The following RECQL5 variants were observed in gnomAD, a reference collection of about 807,000 sequenced individuals.
The protein encoded by RECQL5 is ATP-dependent DNA helicase Q5.
Under a neutral mutation model 103.4 loss-of-function variants are expected in RECQL5, and 88 were observed. The ratio of observed to expected loss-of-function variants is 0.85; its 90% CI spans 0.72 to 1.02. The LOEUF is 1.02. Among genes scored for constraint, RECQL5 ranks in the 50% least tolerant of loss-of-function variants. The pLI is 0.00. For missense variants in RECQL5, 1,232 were observed against 1,284.3 expected (o/e 0.96, Z 0.62); for synonymous variants, 552 against 507.9 (o/e 1.09, Z -1.17).
rs367690981 is a variant in RECQL5, at chr17:75,631,497, G to T, written c.1401C>A (p.Asp467Glu). 3 of 1,613,296 alleles carry T rather than the reference G, an allele frequency of 1.9e-6. No homozygotes were observed. The African/African-American group carries it at 4.0e-5, about 21-fold the overall frequency. ...TGCGGCCTCCCTCATACAGCTCGGG[G>T]TCAAAGCCGTTCCCCTGGGAGGGCC... ...CIGPSQGNGFDPELYEGGRKG... is the reference protein window; with the variant it reads ...CIGPSQGNGFEPELYEGGRKG... The change falls in exon 9 of 20, where the codon GAC becomes GAA. Residue 467 changes from aspartate to glutamate, a missense_variant. By Grantham distance (45) the Asp-to-Glu change is conservative (BLOSUM62 2). Transcript: ENST00000317905.
At chr17:75,665,804 G>T (rs1280306794) in intron 2 of RECQL5, among the ~76,000 whole-genome samples, 1 of 152,112 alleles carries the variant, frequency 6.6e-6, no homozygotes, top group African/African-American at 2.4e-5. Context: ...GTAGACATGA[G>T]AGGACATTAC....
chr17:75,666,992 G>A (rs1257009207), intron 1 of RECQL5, 52 bp downstream of exon 1: 3 of 254,258 alleles, frequency 1.2e-5, no homozygotes, highest in Non-Finnish European at 2.3e-5. Flanking sequence ...CCCAAGATCC[G>A]CAATTTTCTC....
chr17:75,630,396 GCT>G, intron 13 of RECQL5, 119 bp from the exon 14 acceptor site: 1 of 969,778 alleles, frequency 1.0e-6, no homozygotes, highest in Non-Finnish European at 1.5e-6. Context: ...TCTGATTAGG[GCT>G]CTCTGAGCAC....
intron 7 of RECQL5, among the ~76,000 whole-genome samples, chr17:75,656,723 G>A (rs1034621558): frequency 3.4e-5 from 5 of 145,816 alleles, no homozygotes; most frequent in African/African-American, 1.3e-4. Context: ...GCGAATTTAT[G>A]TATATTTATC....
intron 5 of RECQL5, 75 bp from the exon 6 acceptor site, chr17:75,661,141 C>T: frequency 8.9e-7 from 1 of 1,124,394 alleles, no homozygotes; most frequent in East Asian, 2.3e-5. Flanking sequence ...TTGGGTTTGA[C>T]ACTGTGTGCT....
In RECQL5 at chr17:75,627,143, C is replaced by T; in HGVS notation, c.*279G>A. ...TTCCTTCCCCTTCTTCCAGCAGCAG[C>T]TCCACCACCCTCCACCTTCTGTCCT... is the stretch of plus-strand genomic sequence containing the variant. On this transcript the variant is annotated 3_prime_UTR_variant, in exon 20 of 20. Coordinates refer to ENST00000317905, the MANE Select transcript of RECQL5 (RefSeq NM_004259.7). 1 of 563,000 alleles carries T rather than the reference C, an allele frequency of 1.8e-6. No individual in the cohort carries two copies. The highest frequency in any genetic ancestry group is 3.4e-6 in the Non-Finnish European group (1 of 296,524). The allele number at this position is 563,000 out of a possible 1,614,324, so 34.9% of individuals were successfully genotyped here.
Position 75,630,239 on chromosome 17 carries a change from T to A in RECQL5, c.1757A>T (p.Glu586Val). ...GGCCACCTTGGCGTTCCGGAATGTC[T>A]CATGTTCCAGCTCCACGGCCTTGGC... ...LRAKAVELEH[E>V]TFRNAKVANL... is the part of the protein sequence containing the mutation. Residue 586 changes from glutamate (E) to valine (V), a missense_variant, in exon 14 of 20, where the codon GAG (glutamate) becomes GTG (valine). Coordinates refer to ENST00000317905, the MANE Select transcript of RECQL5 (RefSeq NM_004259.7). 6.4e-7 allele frequency: 1 copy of A among 1,562,070 alleles called. No individual in the cohort carries two copies. Among genetic ancestry groups the A allele is most frequent in the East Asian group, 2.4e-5 (1 of 42,474 alleles).
chr17:75,631,086 G>A, intron 10 of RECQL5, 64 bp downstream of exon 10: 9 of 1,609,836 alleles, frequency 5.6e-6, no homozygotes, highest in Non-Finnish European at 6.8e-6. Context: ...CAGAGAAGGG[G>A]CTGAGAGGTG....
rs1027045158 is a variant in RECQL5, at chr17:75,634,239, G to A, written c.1230-2571C>T. 3.0e-6 allele frequency: 3 copies of A among 985,446 alleles called. No individual in the cohort carries two copies. In the African/African-American group the frequency reaches 5.2e-5, roughly 17 times the overall value. 61.0% of individuals were successfully genotyped at this position (985,446 alleles called of 1,614,324 possible). A position where few individuals can be genotyped will look rare whatever the true frequency, so the allele number is the denominator to read the frequency against. ...TGGCCACAGAAGAAGGGGGGACAGG[G>A]AGGGAGCAGCAAGGGTCCCCTGCCC... On this transcript the variant is annotated intron_variant, in intron 8 of 19. Coordinates refer to ENST00000317905, the MANE Select transcript of RECQL5 (RefSeq NM_004259.7).
At chr17:75,663,248 G>A (rs910740445) in intron 3 of RECQL5, among the ~76,000 whole-genome samples, 9 of 152,114 alleles carry the variant, frequency 5.9e-5, no homozygotes, top group East Asian at 1.9e-4. Flanking sequence ...TCTTAAAGAT[G>A]AGACCCAAGT....
chr17:75,642,573 C>A (rs1273452899), intron 8 of RECQL5, among the ~76,000 whole-genome samples: 2 of 152,176 alleles, frequency 1.3e-5, no homozygotes, highest in Admixed American at 6.5e-5. Context: ...AAAAGAAATT[C>A]AAAAATTTGT....
intron 7 of RECQL5, among the ~76,000 whole-genome samples, chr17:75,657,861 A>C (rs926980812): frequency 1.8e-4 from 27 of 151,886 alleles, no homozygotes; most frequent in Admixed American, 3.3e-4. Flanking sequence ...CATCCTGGCC[A>C]ACATGGTGAA....
intron 8 of RECQL5, among the ~76,000 whole-genome samples, chr17:75,633,245 C>G (rs904049180): frequency 2.0e-5 from 3 of 152,258 alleles, no homozygotes; most frequent in African/African-American, 4.8e-5. Context: ...GCTTCCTCCC[C>G]CTGCCCTCCT....
At chr17:75,648,059 T>TAGCCTGCCTGTCTCC (rs1484417576) in intron 8 of RECQL5, 1 of 166,822 alleles carries the variant, frequency 6.0e-6, no homozygotes, top group East Asian at 1.9e-4. Context: ...CTGCACGCTC[T>TAGCCTGCCTGTCTCC]AGCCTGCCTG....
chr17:75,644,001 C>T (rs1049319342), intron 8 of RECQL5, among the ~76,000 whole-genome samples: 1 of 152,212 alleles, frequency 6.6e-6, no homozygotes, highest in Non-Finnish European at 1.5e-5. Context: ...GTACATCATG[C>T]CTGATTAAAA....
At chr17:75,656,382 G>A (rs1277714807) in intron 7 of RECQL5, among the ~76,000 whole-genome samples, 1 of 152,102 alleles carries the variant, frequency 6.6e-6, no homozygotes, top group Non-Finnish European at 1.5e-5. Flanking sequence ...CCAGCCTACT[G>A]GGGAGCTTTT....
At position 75,636,875 on chromosome 17, in the gene RECQL5, C is replaced by T. The variant is rs1313043511; in HGVS notation, c.1230-5207G>A. The T allele has an allele frequency of 2.0e-5, 3 of 152,276 alleles. No individual in the cohort carries two copies. Among genetic ancestry groups the T allele is most frequent in the East Asian group, 1.9e-4 (1 of 5,202 alleles). The allele number at this position is 152,276 out of a possible 1,614,324, so 9.4% of individuals were successfully genotyped here. ...TACCGTGAGTACCCCTGGGTCAGAC[C>T]CTGGGGCTGGGTGAGGCTGGCCATG... On this transcript the variant is annotated intron_variant, in intron 8 of 19. Transcript: ENST00000317905. The surrounding 1 kb of genome is among the most constrained non-coding windows in gnomAD (Gnocchi z 5.4).
chr17:75,635,829 G>A (rs1171822421), intron 8 of RECQL5: 11 of 985,322 alleles, frequency 1.1e-5, no homozygotes, highest in Non-Finnish European at 1.3e-5. Flanking sequence ...CAAACACGCC[G>A]CCTGCTGCCA....
chr17:75,650,777 T>C (rs2148315517), intron 8 of RECQL5: 2 of 1,576,928 alleles, frequency 1.3e-6, no homozygotes, highest in Admixed American at 1.8e-5. Flanking sequence ...CCGAGGTAAG[T>C]GGGGCCACAG....
Sources: allele counts gnomAD v4.1 joint callset (sites outside exome capture counted in the v4.1 genomes callset), GRCh38; gene constraint gnomAD v4.1.1; non-coding constraint Gnocchi (gnomAD v3.1); transcripts MANE v1.5; gene names NCBI Gene and HGNC (gene_info 2026-07-23, HGNC 2026-07-21).